Variants in PIK3AP1 observed in about 807,000 individuals in gnomAD.
PIK3AP1 encodes the protein phosphoinositide-3-kinase adaptor protein 1.
In PIK3AP1, 21 loss-of-function variants were observed where a neutral mutation model predicts 88.1. The observed-to-expected ratio is 0.24, with a 90% CI of 0.17 to 0.34. The LOEUF is 0.34. Among genes scored for constraint, PIK3AP1 ranks in the 10% least tolerant of loss-of-function variants. The pLI, the probability that PIK3AP1 is intolerant of heterozygous loss-of-function variation, is 1.00. For synonymous variants in PIK3AP1, 398 were observed against 400.0 expected (o/e 1.00, Z 0.06); for missense variants, 828 against 1,035.7 (o/e 0.80, Z 2.75).
At chr10:96,630,276 T>C (rs1488667684) in intron 8 of PIK3AP1, among the ~76,000 whole-genome samples, 3 of 152,188 alleles carry the variant, frequency 2.0e-5, no homozygotes, top group African/African-American at 7.2e-5. Context: ...TTCAGGGCAC[T>C]ACGATTCCAA....
At chr10:96,655,410 G>A (rs1843601564) in intron 3 of PIK3AP1, among the ~76,000 whole-genome samples, 2 of 152,190 alleles carry the variant, frequency 1.3e-5, no homozygotes, top group Non-Finnish European at 2.9e-5. Flanking sequence ...GGGAGGCTGA[G>A]GCACAAGAAT....
intron 11 of PIK3AP1, among the ~76,000 whole-genome samples, chr10:96,621,877 A>T (rs1843088927): frequency 6.6e-6 from 1 of 152,212 alleles, no homozygotes; most frequent in Admixed American, 6.5e-5. Flanking sequence ...TACCCATTAA[A>T]TGCTAGCAGC....
chr10:96,683,406 C>T (rs544105697), intron 2 of PIK3AP1, among the ~76,000 whole-genome samples: 1 of 152,214 alleles, frequency 6.6e-6, no homozygotes, highest in Non-Finnish European at 1.5e-5. Context: ...CTTGAATATT[C>T]AGAGATGTTG....
chr10:96,655,036 T>G (rs1460870297), intron 3 of PIK3AP1, among the ~76,000 whole-genome samples: 1 of 152,162 alleles, frequency 6.6e-6, no homozygotes, highest in African/African-American at 2.4e-5. Flanking sequence ...AAACACAGAT[T>G]TTTATGCCTA....
intron 1 of PIK3AP1, among the ~76,000 whole-genome samples, chr10:96,716,614 G>A (rs952181553): frequency 6.6e-6 from 1 of 152,152 alleles, no homozygotes; most frequent in Non-Finnish European, 1.5e-5. Flanking sequence ...TAACAATATA[G>A]GACTAAATGC....
At chr10:96,616,943 C>T (rs921151857) in intron 12 of PIK3AP1, among the ~76,000 whole-genome samples, 2 of 152,164 alleles carry the variant, frequency 1.3e-5, no homozygotes, top group Non-Finnish European at 2.9e-5. Flanking sequence ...GTCTTTCCTC[C>T]CCTCTGGTTC....
In PIK3AP1 at chr10:96,651,228, AG is replaced by A; in HGVS notation, c.988+19del. ...AGAATCAGCCCACGTTGGTTTCCTG[AG>A]GTTTGACTGTCAACTTACTTGTCAT... On this transcript the variant is annotated intron_variant, in intron 6 of 16. Coordinates refer to ENST00000339364, the MANE Select transcript of PIK3AP1 (RefSeq NM_152309.3). The A allele has an allele frequency of 6.2e-7, 1 of 1,614,190 alleles. No individual in the cohort carries two copies. The highest frequency in any genetic ancestry group is 8.5e-7 in the Non-Finnish European group (1 of 1,180,004).
At chr10:96,665,892 G>T (rs967761386) in intron 2 of PIK3AP1, among the ~76,000 whole-genome samples, 2 of 152,136 alleles carry the variant, frequency 1.3e-5, no homozygotes, top group African/African-American at 4.8e-5. Flanking sequence ...TAACACAGGG[G>T]AGACGGAGCA....
At chr10:96,691,461 A>C (rs1290326248) in intron 2 of PIK3AP1, among the ~76,000 whole-genome samples, 1 of 142,726 alleles carries the variant, frequency 7.0e-6, no homozygotes, top group East Asian at 2.0e-4. Flanking sequence ...TTGCCATGCT[A>C]TGATTGTACA....
At chr10:96,627,478 C>T (rs146755899) in intron 9 of PIK3AP1, among the ~76,000 whole-genome samples, 30 of 152,284 alleles carry the variant, frequency 2.0e-4, no homozygotes, top group East Asian at 3.9e-4. Context: ...ACTAAATAAA[C>T]GGTCCTGTTG....
In PIK3AP1 at chr10:96,594,079, A is replaced by G. The variant is rs1239757152; in HGVS notation, c.*1498T>C. ...TTCTAATTTTACTGTATGTTTAGGC[A>G]TCATTAAGGACCTCTGATTTGAAGG... On this transcript the variant is annotated 3_prime_UTR_variant, in exon 17 of 17. Transcript: ENST00000339364. This position sits in a 1 kb window ranked among gnomAD's most constrained non-coding sequence, Gnocchi z 4.6. The G allele has an allele frequency of 1.3e-5, 2 of 152,186 alleles. No individual in the cohort carries two copies. Among genetic ancestry groups the G allele is most frequent in the Admixed American group, 1.3e-4 (2 of 15,270 alleles). 9.4% of individuals were successfully genotyped at this position (152,186 alleles called of 1,614,324 possible).
chr10:96,633,301 G>A, intron 8 of PIK3AP1: 3 of 379,250 alleles, frequency 7.9e-6, no homozygotes, highest in South Asian at 8.7e-5. Context: ...CAGGTTACCG[G>A]GGTAACAGAG....
intron 2 of PIK3AP1, among the ~76,000 whole-genome samples, chr10:96,698,934 T>C (rs191557749): frequency 0.011 from 1,741 of 152,126 alleles, 31 homozygotes; most frequent in African/African-American, 0.039. Context: ...TCCCAGCACT[T>C]TGGGAGGCCA....
rs1012311941 is a variant in PIK3AP1, at chr10:96,645,398, C to T, written c.1375+75G>A. On this transcript the variant is annotated intron_variant, in intron 8 of 16. Coordinates refer to ENST00000339364, the MANE Select transcript of PIK3AP1 (RefSeq NM_152309.3). ...GTGAGGGTACATAGGGACTGCCCCG[C>T]GCCATCTTCATCCGGAATGAAAAAA... 47 of 1,496,886 alleles carry T rather than the reference C, an allele frequency of 3.1e-5. No individual in the cohort carries two copies. The Admixed American group carries it at 4.1e-4, about 13-fold the overall frequency. 92.7% of individuals were successfully genotyped at this position (1,496,886 alleles called of 1,614,324 possible). A position where few individuals can be genotyped will look rare whatever the true frequency, so the allele number is the denominator to read the frequency against.
intron 8 of PIK3AP1, among the ~76,000 whole-genome samples, chr10:96,642,300 C>T (rs1348477021): frequency 6.6e-6 from 1 of 151,828 alleles, no homozygotes; most frequent in Non-Finnish European, 1.5e-5. Flanking sequence ...GTGGTTCACA[C>T]CTGTAGTCCC....
intron 14 of PIK3AP1, among the ~76,000 whole-genome samples, chr10:96,606,539 C>T (rs924615650): frequency 7.2e-5 from 11 of 152,242 alleles, no homozygotes; most frequent in Middle Eastern, 3.4e-3. Context: ...GGCCCTGGCC[C>T]TCCTCCTCTC....
At chr10:96,717,250 T>C (rs1322752132) in intron 1 of PIK3AP1, among the ~76,000 whole-genome samples, 2 of 115,426 alleles carry the variant, frequency 1.7e-5, no homozygotes, top group Admixed American at 1.1e-4. Flanking sequence ...AGAGTGAGAC[T>C]CCGTCTCAAA....
intron 12 of PIK3AP1, among the ~76,000 whole-genome samples, chr10:96,620,133 T>C (rs1296564626): frequency 6.6e-6 from 1 of 152,174 alleles, no homozygotes; most frequent in African/African-American, 2.4e-5. Context: ...AGCCTCATGG[T>C]ACCTGGAAAA....
intron 13 of PIK3AP1, 141 bp from the exon 14 acceptor site, chr10:96,610,008 G>A: frequency 9.6e-7 from 1 of 1,046,422 alleles, no homozygotes; most frequent in East Asian, 2.4e-5. Context: ...CGATGGGAGA[G>A]GGAGGGGCCC....
Sources: gnomAD v4.1 joint callset for allele counts (sites outside exome capture counted in the v4.1 genomes callset) on GRCh38, gnomAD v4.1.1 for gene constraint, Gnocchi (gnomAD v3.1) non-coding constraint, MANE v1.5 for transcripts, NCBI Gene and HGNC (gene_info 2026-07-23, HGNC 2026-07-21) for gene names.